The following PXDNL variants were observed in gnomAD, a reference collection of about 807,000 sequenced individuals.
The protein encoded by PXDNL is probable oxidoreductase PXDNL.
A neutral mutation model predicts 150.8 loss-of-function variants in PXDNL; 145 were observed. That is an observed-to-expected ratio of 0.96 (90% CI 0.84 to 1.10). PXDNL has a LOEUF of 1.10. Among genes scored for constraint, PXDNL ranks in the 50% least tolerant of loss-of-function variants. The probability of loss-of-function intolerance (pLI) is 0.00; values close to 1 mark genes in which losing one functional copy is unlikely to be tolerated. For synonymous variants in PXDNL, 757 were observed against 725.7 expected, an observed-to-expected ratio of 1.04 and a Z score of -0.69; for missense variants, 2,087 against 1,873.9, an observed-to-expected ratio of 1.11 and a Z score of -2.10.
intron 4 of PXDNL, among the ~76,000 whole-genome samples, chr8:51,502,937 C>T (rs574457252): frequency 6.6e-6 from 1 of 152,240 alleles, no homozygotes; most frequent in Non-Finnish European, 1.5e-5. Context: ...TCCAATATCA[C>T]TTAGCTACTA....
rs866579378 is a variant in PXDNL at position 51,559,335 on chromosome 8, C to G, written c.309-2424G>C. On this transcript the variant is annotated intron_variant, in intron 3 of 22. Transcript: ENST00000356297. ...CTTATTTTTGTTTCTTCCAAACCCCCCCCCCCCCCGCCACCTTCTTTCCTG... is the reference window on the plus strand; with the variant it reads ...CTTATTTTTGTTTCTTCCAAACCCCGCCCCCCCCCGCCACCTTCTTTCCTG... 1.4e-3 allele frequency among the ~76,000 whole-genome samples: 199 copies of G among 137,482 alleles called. 3 individuals are homozygous for G. The highest frequency in any genetic ancestry group is 4.5e-3 in the African/African-American group (179 of 39,604). The allele number at this position is 137,482 out of a possible 152,430, so 90.2% of individuals were successfully genotyped here. A position where few individuals can be genotyped will look rare whatever the true frequency, so the allele number is the denominator to read the frequency against.
intron 1 of PXDNL, among the ~76,000 whole-genome samples, chr8:51,728,861 G>A (rs995363574): frequency 1.3e-5 from 2 of 152,092 alleles, no homozygotes; most frequent in African/African-American, 4.8e-5. Context: ...GAATGTCCTA[G>A]GCCTTCACAT....
chr8:51,571,433 TTAAA>T (rs1298618443), intron 3 of PXDNL, among the ~76,000 whole-genome samples: 1 of 151,888 alleles, frequency 6.6e-6, no homozygotes, highest in Non-Finnish European at 1.5e-5. Flanking sequence ...ACATGTTTCA[TTAAA>T]TATTTACACA....
chr8:51,487,288 T>C (rs953946591), intron 5 of PXDNL, among the ~76,000 whole-genome samples: 9 of 152,068 alleles, frequency 5.9e-5, no homozygotes, highest in African/African-American at 2.2e-4. Context: ...CTCATAAATG[T>C]TCTAAGAAAG....
At chr8:51,577,907 GAGAAAGAAAAGAAAGA>G (rs1813093391) in intron 3 of PXDNL, among the ~76,000 whole-genome samples, 1 of 122,234 alleles carries the variant, frequency 8.2e-6, no homozygotes, top group Non-Finnish European at 1.7e-5. Flanking sequence ...AAGAAAGAAA[GAGAAAGAAAAGAAAGA>G]AAAGAAAGAA....
At chr8:51,759,345 G>A (rs1387543199) in intron 1 of PXDNL, among the ~76,000 whole-genome samples, 1 of 152,178 alleles carries the variant, frequency 6.6e-6, no homozygotes, top group African/African-American at 2.4e-5. Flanking sequence ...CAGCCCTGAT[G>A]AAGTTTCTAA....
chr8:51,676,988 A>G (rs1370544937), intron 1 of PXDNL, among the ~76,000 whole-genome samples: 3 of 152,232 alleles, frequency 2.0e-5, no homozygotes, highest in Admixed American at 2.0e-4. Context: ...ACCAGAGAGC[A>G]CAGAGGCTTA....
chr8:51,735,686 A>G (rs1257742401), intron 1 of PXDNL, among the ~76,000 whole-genome samples: 1 of 145,634 alleles, frequency 6.9e-6, no homozygotes, highest in Admixed American at 6.8e-5. Flanking sequence ...AGCTGGGACT[A>G]CAGGCGCCCG....
intron 4 of PXDNL, among the ~76,000 whole-genome samples, chr8:51,520,044 C>A (rs1470704264): frequency 1.3e-5 from 2 of 152,090 alleles, no homozygotes; most frequent in Non-Finnish European, 2.9e-5. Flanking sequence ...GTGTGGACTG[C>A]GGTTGTGGGT....
intron 4 of PXDNL, among the ~76,000 whole-genome samples, chr8:51,552,989 A>G (rs892029465): frequency 1.3e-5 from 2 of 152,266 alleles, no homozygotes; most frequent in Non-Finnish European, 2.9e-5. Context: ...TGGGACATAC[A>G]TAGAATAGAC....
At chr8:51,370,719 C>T (rs1010018067) in intron 19 of PXDNL, among the ~76,000 whole-genome samples, 3 of 152,158 alleles carry the variant, frequency 2.0e-5, no homozygotes, top group African/African-American at 7.2e-5. Flanking sequence ...GCCTTAGCCT[C>T]CCAAGTAGCT....
At chr8:51,378,802 C>G (rs982438485) in intron 17 of PXDNL, among the ~76,000 whole-genome samples, 1 of 152,134 alleles carries the variant, frequency 6.6e-6, no homozygotes, top group Admixed American at 6.5e-5. Context: ...CAGCTTCACT[C>G]CTGAAGCCAG....
Position 51,323,236 on chromosome 8 carries a change from G to A in PXDNL, c.4147-2339C>T, listed in dbSNP as rs539400759. On this transcript the variant is annotated intron_variant, in intron 21 of 22. Transcript: ENST00000356297. ...GTAAAGCTTTTTCAAATTTAAATAA[G>A]CTAACAAATTAATAAATTATTTAAG... Among the ~76,000 whole-genome samples, 13 of 152,218 alleles carry A rather than the reference G, an allele frequency of 8.5e-5. No homozygotes were observed. In the South Asian group the frequency reaches 2.5e-3, roughly 29 times the overall value.
At chr8:51,534,316 G>A (rs1222616023) in intron 4 of PXDNL, among the ~76,000 whole-genome samples, 1 of 146,722 alleles carries the variant, frequency 6.8e-6, no homozygotes, top group Non-Finnish European at 1.5e-5. Flanking sequence ...AGTGAGGAGC[G>A]TCTACGCCCG....
At chr8:51,336,899 T>C (rs556275897) in intron 21 of PXDNL, among the ~76,000 whole-genome samples, 4 of 152,270 alleles carry the variant, frequency 2.6e-5, no homozygotes, top group South Asian at 4.1e-4. Flanking sequence ...AATTCTCTCA[T>C]TGAACCGTGT....
chr8:51,612,807 T>C (rs1814043636), intron 2 of PXDNL, among the ~76,000 whole-genome samples: 2 of 152,230 alleles, frequency 1.3e-5, no homozygotes, highest in East Asian at 1.9e-4. Context: ...TAAATTTCTG[T>C]TATTCATAAG....
chr8:51,548,390 C>T (rs1270211027), intron 4 of PXDNL, among the ~76,000 whole-genome samples: 1 of 152,112 alleles, frequency 6.6e-6, no homozygotes, highest in Non-Finnish European at 1.5e-5. Flanking sequence ...ACATAGTTAT[C>T]ATGTTATCTA....
intron 5 of PXDNL, among the ~76,000 whole-genome samples, chr8:51,492,809 C>T (rs937342597): frequency 3.3e-5 from 5 of 152,180 alleles, no homozygotes; most frequent in South Asian, 2.1e-4. Flanking sequence ...TGGAGCCCAC[C>T]GCAGCGTAAG....
intron 17 of PXDNL, among the ~76,000 whole-genome samples, chr8:51,384,893 GT>G (rs1563385522): frequency 6.6e-6 from 1 of 151,960 alleles, no homozygotes; most frequent in Admixed American, 6.6e-5. Flanking sequence ...TCTATACTTT[GT>G]TTTTTGATTA....
Sources: allele counts gnomAD v4.1 joint callset (sites outside exome capture counted in the v4.1 genomes callset), GRCh38; gene constraint gnomAD v4.1.1; transcripts MANE v1.5; gene names NCBI Gene and HGNC (gene_info 2026-07-23, HGNC 2026-07-21).